SYNE2: variants seen among roughly 807,000 people sequenced by gnomAD.
SYNE2 encodes the protein nesprin-2.
In SYNE2, 431 loss-of-function variants were observed where a neutral mutation model predicts 856.3. The ratio of observed to expected loss-of-function variants is 0.50; its 90% confidence interval spans 0.47 to 0.55. SYNE2 has a LOEUF of 0.55. Among genes scored for constraint, SYNE2 ranks in the 20% least tolerant of loss-of-function variants. The probability of loss-of-function intolerance (pLI) is 0.00; values close to 1 mark genes in which losing one functional copy is unlikely to be tolerated. For missense variants in SYNE2, 8,129 were observed against 8,023.2 expected, an observed-to-expected ratio of 1.01 and a Z score of -0.50; for synonymous variants, 2,923 against 2,872.3, an observed-to-expected ratio of 1.02 and a Z score of -0.56.
intron 105 of SYNE2, among the ~76,000 whole-genome samples, chr14:64,213,289 G>A (rs777350116): frequency 3.3e-5 from 5 of 152,104 alleles, no homozygotes; most frequent in Admixed American, 1.3e-4. Flanking sequence ...TCTGGCATGC[G>A]TCACTACCCC....
intron 94 of SYNE2, chr14:64,173,832 A>G (rs1023593631): frequency 5.0e-6 from 3 of 595,928 alleles, no homozygotes; most frequent in South Asian, 2.1e-5. Context: ...CTTTGGGAGT[A>G]TGGATCAATT....
intron 19 of SYNE2, 132 bp downstream of exon 19, chr14:63,986,749 A>G (rs1347218721): frequency 9.9e-7 from 1 of 1,008,296 alleles, no homozygotes; most frequent in Non-Finnish European, 1.5e-6. Flanking sequence ...TTTAAAAATG[A>G]ATGGATTTTA....
rs34440267 is a variant in SYNE2 at position 63,976,540 on chromosome 14, CTTTT to C, written c.1129-7_1129-4del. 3.1e-3 allele frequency: 4,234 copies of C among 1,358,000 alleles called. 1 individual carries two copies. Among genetic ancestry groups the C allele is most frequent in the Admixed American group, 7.5e-3 (354 of 47,414 alleles). 84.1% of individuals were successfully genotyped at this position (1,358,000 alleles called of 1,614,324 possible). A position where few individuals can be genotyped will look rare whatever the true frequency, so the allele number is the denominator to read the frequency against. On this transcript the variant is annotated intron_variant, in intron 11 of 115. Transcript: ENST00000555002. ...GAAAAGTTCTACTGAAGAATATGTT[CTTTT>C]TTTTTTTTTTTTTTTCAGATTAATG...
chr14:63,848,462 A>C (rs1890303759), upstream of SYNE2: 1 of 152,264 alleles, frequency 6.6e-6, no homozygotes, highest in South Asian at 2.1e-4. Context: ...AGAAATGTTA[A>C]TGTCTCTTAT....
Position 63,986,069 on chromosome 14 carries a change from G to A in SYNE2, c.2152-387G>A, listed in dbSNP as rs527314007. Reference sequence around the variant, plus strand: ...TATGTCATTAAAATATGTTTAATTAGCACTCTTCAGGAAAGAAAGTGGTGT... The same window carrying A: ...TATGTCATTAAAATATGTTTAATTAACACTCTTCAGGAAAGAAAGTGGTGT... On this transcript the variant is annotated intron_variant, in intron 18 of 115. Transcript: ENST00000555002. 1.1e-3 allele frequency among the ~76,000 whole-genome samples: 169 copies of A among 152,272 alleles called. 1 individual carries two copies. The highest frequency in any genetic ancestry group is 3.9e-3 in the African/African-American group (163 of 41,556).
At position 64,141,429 on chromosome 14, in the gene SYNE2, A is replaced by C; in HGVS notation, c.15065A>C (p.Asp5022Ala). Residue 5022 changes from aspartate (D) to alanine (A), a missense_variant, in exon 81 of 116, where the codon GAT becomes GCT. By Grantham distance (126) the Asp-to-Ala change is moderately radical (BLOSUM62 -2). Transcript: ENST00000555002. The stretch of plus-strand genomic sequence containing the variant: ...CAGCTTCTTCACCTGAAAGAAACTG[A>C]TACAGCTACACTGAGAGCTTCTTTA... ...GNQLLHLKET[D>A]TATLRASLAQ... 1 of 1,614,126 alleles carries C rather than the reference A, an allele frequency of 6.2e-7. No homozygotes were observed. Among genetic ancestry groups the C allele is most frequent in the Non-Finnish European group, 8.5e-7 (1 of 1,179,976 alleles).
At chr14:63,771,284 A>G (rs1274374310) in intron 1 of SYNE2, among the ~76,000 whole-genome samples, 1 of 151,482 alleles carries the variant, frequency 6.6e-6, no homozygotes. Flanking sequence ...GTTAGCCAGG[A>G]TGGTCTCGAT....
chr14:64,028,763 T>C (rs1270736265), intron 43 of SYNE2, among the ~76,000 whole-genome samples: 2 of 152,190 alleles, frequency 1.3e-5, no homozygotes, highest in Non-Finnish European at 2.9e-5. Flanking sequence ...CTATTGTTAG[T>C]AGTTTATGTC....
At chr14:63,861,702 G>T (rs943863196) in intron 1 of SYNE2, among the ~76,000 whole-genome samples, 2 of 152,028 alleles carry the variant, frequency 1.3e-5, no homozygotes, top group East Asian at 3.9e-4. Context: ...TGGGAGGATC[G>T]CCTGAGCCTG....
intron 98 of SYNE2, among the ~76,000 whole-genome samples, chr14:64,189,670 G>C (rs559340117): frequency 1.3e-5 from 2 of 152,330 alleles, no homozygotes; most frequent in African/African-American, 2.4e-5. Flanking sequence ...TCACTGAAAA[G>C]TTAGCTTCAT....
intron 1 of SYNE2, among the ~76,000 whole-genome samples, chr14:63,837,202 G>C (rs545431169): frequency 2.0e-5 from 3 of 152,272 alleles, no homozygotes; most frequent in African/African-American, 4.8e-5. Context: ...GGAAAAAATA[G>C]TCTTTTCAAT....
chr14:64,029,422 G>C (rs1417882651), intron 43 of SYNE2, among the ~76,000 whole-genome samples: 1 of 152,180 alleles, frequency 6.6e-6, no homozygotes, highest in South Asian at 2.1e-4. Context: ...TTTGAGTTAA[G>C]ATTACATTTT....
At chr14:64,161,839 C>G (rs2153715106) in intron 87 of SYNE2, among the ~76,000 whole-genome samples, 1 of 151,954 alleles carries the variant, frequency 6.6e-6, no homozygotes, top group South Asian at 2.1e-4. Context: ...TGTTGCCAAT[C>G]ATACATTTTG....
chr14:63,862,099 A>G (rs1347801255), intron 1 of SYNE2, among the ~76,000 whole-genome samples: 1 of 152,208 alleles, frequency 6.6e-6, no homozygotes, highest in Non-Finnish European at 1.5e-5. Flanking sequence ...TGGATTTTAA[A>G]TTATTTGAGA....
At chr14:63,873,944 G>T (rs2094650879) in intron 1 of SYNE2, 1 of 152,254 alleles carries the variant, frequency 6.6e-6, no homozygotes, top group African/African-American at 2.4e-5. Flanking sequence ...ACGGTGACTT[G>T]ACAGAGGTAC....
chr14:63,768,186 T>A (rs186131018), intron 1 of SYNE2, among the ~76,000 whole-genome samples: 1 of 151,094 alleles, frequency 6.6e-6, no homozygotes, highest in East Asian at 1.9e-4. Flanking sequence ...TGAGACCATG[T>A]CTCAAAAAAA....
chr14:63,833,946 T>C (rs1364935602), intron 1 of SYNE2, among the ~76,000 whole-genome samples: 2 of 152,120 alleles, frequency 1.3e-5, no homozygotes. Context: ...ATAACCACAC[T>C]TGAGTAACTA....
At position 64,210,022 on chromosome 14, in the gene SYNE2, C is replaced by T. The variant is rs929148063; in HGVS notation, c.18621C>T (p.Asn6207=). Residue 6207 remains asparagine (N), a synonymous_variant, in exon 103 of 116, where the codon AAC becomes AAT. Transcript: ENST00000555002. ...AGTACCGGCGGCTGGCCCGGGAGAA[C>T]CGCACAGACACGGCCAGCAGGCTGA... ...NKQYRRLARE[N]RTDTASRLKQ... 1.9e-6 allele frequency: 3 copies of T among 1,614,108 alleles called. No homozygotes were observed. Among genetic ancestry groups the T allele is most frequent in the Admixed American group, 3.3e-5 (2 of 60,032 alleles).
At chr14:64,047,969 A>G (rs753809734) in intron 45 of SYNE2, 31 bp from the exon 46 acceptor site, 2 of 1,609,240 alleles carry the variant, frequency 1.2e-6, no homozygotes, top group Admixed American at 1.7e-5. Flanking sequence ...AAAGTAGACT[A>G]TTCAGCAATT....
Sources: allele counts gnomAD v4.1 joint callset (sites outside exome capture counted in the v4.1 genomes callset), GRCh38; gene constraint gnomAD v4.1.1; transcripts MANE v1.5; gene names NCBI Gene and HGNC (gene_info 2026-07-23, HGNC 2026-07-21).